Variants in HNF4G observed in about 807,000 individuals in gnomAD.
HNF4G encodes the protein hepatocyte nuclear factor 4-gamma.
A neutral mutation model predicts 50.9 loss-of-function variants in HNF4G; 21 were observed. That is an observed-to-expected ratio of 0.41 (90% confidence interval 0.29 to 0.59). The LOEUF is 0.59. Among genes scored for constraint, HNF4G ranks in the 20% least tolerant of loss-of-function variants. HNF4G has a pLI of 0.26. For synonymous variants in HNF4G, 198 were observed against 185.6 expected (o/e 1.07, Z -0.54); for missense variants, 527 against 559.4 (o/e 0.94, Z 0.58).
At chr8:75,511,326 T>A (rs1805745327) in intron 2 of HNF4G, among the ~76,000 whole-genome samples, 1 of 152,194 alleles carries the variant, frequency 6.6e-6, no homozygotes. Context: ...CTTATAACCC[T>A]ATAACAATAC....
chr8:75,483,235 A>C (rs1812420902), intron 1 of HNF4G, among the ~76,000 whole-genome samples: 1 of 147,814 alleles, frequency 6.8e-6, no homozygotes, highest in Non-Finnish European at 1.5e-5. Flanking sequence ...TTATTCATTT[A>C]TTTCAAATAA....
At chr8:75,560,621 T>G (rs1307623897) in intron 9 of HNF4G, among the ~76,000 whole-genome samples, 155 bp downstream of exon 9, 1 of 152,196 alleles carries the variant, frequency 6.6e-6, no homozygotes, top group Non-Finnish European at 1.5e-5. Context: ...ATTCAGCTTG[T>G]CACTTATTCT....
intron 2 of HNF4G, among the ~76,000 whole-genome samples, chr8:75,491,308 A>G (rs1812623622): frequency 6.6e-6 from 1 of 152,162 alleles, no homozygotes; most frequent in Admixed American, 6.5e-5. Flanking sequence ...ATTTACTTTT[A>G]TGATAATTAT....
upstream of HNF4G, among the ~76,000 whole-genome samples, chr8:75,539,636 C>G (rs1422940742): frequency 6.6e-6 from 1 of 152,070 alleles, no homozygotes; most frequent in Non-Finnish European, 1.5e-5. Flanking sequence ...TATTTTTAAT[C>G]CTTCTCTTAA....
chr8:75,433,832 C>A (rs185361670), intron 1 of HNF4G, among the ~76,000 whole-genome samples: 68 of 151,980 alleles, frequency 4.5e-4, no homozygotes, highest in Admixed American at 1.3e-3. Context: ...TAATATTGAC[C>A]AGCCAAAAAA....
chr8:75,544,405 A>G (rs575497754), intron 2 of HNF4G, among the ~76,000 whole-genome samples: 2 of 152,250 alleles, frequency 1.3e-5, no homozygotes, highest in African/African-American at 4.8e-5. Context: ...GTTTTTTAAT[A>G]AGAGTATTTT....
chr8:75,419,689 A>G (rs1585826134), intron 1 of HNF4G, among the ~76,000 whole-genome samples: 1 of 152,358 alleles, frequency 6.6e-6, no homozygotes, highest in Middle Eastern at 3.4e-3. Context: ...CAACACTTCA[A>G]TGTCACTGAC....
intron 2 of HNF4G, among the ~76,000 whole-genome samples, chr8:75,526,568 C>G (rs1326566001): frequency 6.6e-6 from 1 of 151,880 alleles, no homozygotes; most frequent in Non-Finnish European, 1.5e-5. Flanking sequence ...GGGTCTTGCT[C>G]TATTGCCCAG....
intron 1 of HNF4G, among the ~76,000 whole-genome samples, chr8:75,464,108 A>G (rs1489559157): frequency 6.6e-6 from 1 of 152,138 alleles, no homozygotes; most frequent in East Asian, 1.9e-4. Flanking sequence ...TATGAACAAC[A>G]TTGCCAAACC....
chr8:75,441,634 G>A (rs755477240), intron 1 of HNF4G, among the ~76,000 whole-genome samples: 2 of 152,082 alleles, frequency 1.3e-5, no homozygotes, highest in Non-Finnish European at 2.9e-5. Context: ...TTGTCATACC[G>A]TGAGTTCAAC....
intron 2 of HNF4G, among the ~76,000 whole-genome samples, chr8:75,509,350 G>A (rs1805687565): frequency 6.6e-6 from 1 of 152,196 alleles, no homozygotes; most frequent in South Asian, 2.1e-4. Context: ...CTGGATCTAA[G>A]ATTTGTCTGA....
chr8:75,495,313 A>ACTATTATC (rs950286296), intron 2 of HNF4G: 56 of 152,116 alleles, frequency 3.7e-4, no homozygotes, highest in African/African-American at 1.2e-3. Flanking sequence ...GATGGCATTC[A>ACTATTATC]CTATTATCAC....
chr8:75,563,872 A>G, intron 9 of HNF4G, 103 bp from the exon 10 acceptor site: 1 of 1,310,030 alleles, frequency 7.6e-7, no homozygotes, highest in Non-Finnish European at 1.1e-6. Flanking sequence ...TATTTTAAAA[A>G]CATTTCCAAA....
rs193131867 is a variant in HNF4G at position 75,445,824 on chromosome 8, G to T, written c.-144+37662G>T. On this transcript the variant is annotated intron_variant, in intron 1 of 10. Coordinates refer to the HNF4G transcript ENST00000354370. Reference sequence around the variant, plus strand: ...ACAAAAAAGAGTTCAGGACCAGATGGATTCACAGCCGAATTCTACCAGAGG... The same window carrying T: ...ACAAAAAAGAGTTCAGGACCAGATGTATTCACAGCCGAATTCTACCAGAGG... Among the ~76,000 whole-genome samples, 1,159 of 138,194 alleles carry T rather than the reference G, an allele frequency of 8.4e-3. 23 individuals are homozygous for T. The East Asian group carries it at 0.1, about 12-fold the overall frequency. 90.7% of individuals were successfully genotyped at this position (138,194 alleles called of 152,430 possible). A position where few individuals can be genotyped will look rare whatever the true frequency, so the allele number is the denominator to read the frequency against.
Position 75,454,608 on chromosome 8 carries a change from C to T in HNF4G, c.-143-35481C>T, listed in dbSNP as rs376575031. ...CTTGTTGCTGTGTCAGGCTTCTACC[C>T]GCTGTGCTTGCCACAGAAGGCCTCT... On this transcript the variant is annotated intron_variant, in intron 1 of 10. Coordinates refer to the HNF4G transcript ENST00000354370. 5.2e-4 allele frequency among the ~76,000 whole-genome samples: 79 copies of T among 152,266 alleles called. 1 individual carries two copies. Among genetic ancestry groups the T allele is most frequent in the Non-Finnish European group, 7.5e-4 (51 of 68,030 alleles).
chr8:75,411,044 A>G (rs1018509035), intron 1 of HNF4G, among the ~76,000 whole-genome samples: 3 of 152,218 alleles, frequency 2.0e-5, no homozygotes, highest in African/African-American at 7.2e-5. Flanking sequence ...TGCTGTTCAT[A>G]TTAACATTCT....
At chr8:75,469,938 G>A (rs1005179712) in intron 1 of HNF4G, among the ~76,000 whole-genome samples, 1 of 152,114 alleles carries the variant, frequency 6.6e-6, no homozygotes, top group Admixed American at 6.5e-5. Flanking sequence ...AAACCTGAGA[G>A]TGTCCCCTGT....
chr8:75,550,765 A>G (rs1806925858), intron 3 of HNF4G, among the ~76,000 whole-genome samples: 2 of 151,776 alleles, frequency 1.3e-5, no homozygotes, highest in African/African-American at 2.4e-5. Flanking sequence ...CCTGTATAAT[A>G]TATAGGATTT....
chr8:75,531,677 A>G (rs1325356929), intron 2 of HNF4G, among the ~76,000 whole-genome samples: 2 of 152,140 alleles, frequency 1.3e-5, no homozygotes, highest in African/African-American at 4.8e-5. Flanking sequence ...AAATAAATGA[A>G]AAATAATAAA....
Sources: allele counts gnomAD v4.1 joint callset (sites outside exome capture counted in the v4.1 genomes callset), GRCh38; gene constraint gnomAD v4.1.1; transcripts MANE v1.5; gene names NCBI Gene and HGNC (gene_info 2026-07-23, HGNC 2026-07-21).